SOS2: variants seen among roughly 807,000 people sequenced by gnomAD.
SOS2 encodes the protein SOS Ras/Rho guanine nucleotide exchange factor 2.
A neutral mutation model predicts 148.2 loss-of-function variants in SOS2; 65 were observed. That is an observed-to-expected ratio of 0.44 (90% CI 0.36 to 0.54). SOS2 has a LOEUF of 0.54. Ranked by LOEUF, SOS2 falls within the 20% of genes least tolerant of loss-of-function variation. The pLI, the probability that SOS2 is intolerant of heterozygous loss-of-function variation, is 0.00. For synonymous variants in SOS2, 539 were observed against 537.1 expected (o/e 1.00, Z -0.05); for missense variants, 1,341 against 1,590.2 (o/e 0.84, Z 2.67).
intron 14 of SOS2, among the ~76,000 whole-genome samples, chr14:50,148,310 T>C (rs1884557770): frequency 1.3e-5 from 2 of 150,818 alleles, no homozygotes; most frequent in South Asian, 4.2e-4. Context: ...CTCGGGAGGT[T>C]GAGGCATGAG....
intron 1 of SOS2, among the ~76,000 whole-genome samples, chr14:50,220,105 C>G (rs1887154983): frequency 1.3e-5 from 2 of 151,434 alleles, no homozygotes; most frequent in South Asian, 4.2e-4. Context: ...ATTAAAAGAA[C>G]AGACCCTGCA....
At chr14:50,151,169 A>G (rs888680060) in intron 13 of SOS2, among the ~76,000 whole-genome samples, 2 of 152,176 alleles carry the variant, frequency 1.3e-5, no homozygotes, top group Non-Finnish European at 2.9e-5. Context: ...ATATTTTCTT[A>G]TATTTAGTTT....
chr14:50,206,451 AATC>A (rs1886661557), intron 1 of SOS2, among the ~76,000 whole-genome samples: 1 of 152,194 alleles, frequency 6.6e-6, no homozygotes, highest in Non-Finnish European at 1.5e-5. Context: ...ATATACTTTA[AATC>A]ATCTATAGGT....
At chr14:50,219,592 C>T (rs572751180) in intron 1 of SOS2, among the ~76,000 whole-genome samples, 1 of 152,132 alleles carries the variant, frequency 6.6e-6, no homozygotes, top group Non-Finnish European at 1.5e-5. Context: ...GATATGTCTA[C>T]TAGCTTTACT....
At chr14:50,129,353 T>C (rs1262013312) in intron 21 of SOS2, among the ~76,000 whole-genome samples, 1 of 152,096 alleles carries the variant, frequency 6.6e-6, no homozygotes, top group Non-Finnish European at 1.5e-5. Context: ...TGCCAAGCAA[T>C]ATTTTAGATG....
intron 21 of SOS2, among the ~76,000 whole-genome samples, chr14:50,121,498 C>T (rs754564254): frequency 2.9e-5 from 4 of 136,654 alleles, no homozygotes; most frequent in Non-Finnish European, 3.0e-5. Flanking sequence ...ATTGCTATCC[C>T]GATCATGTGG....
At chr14:50,212,974 G>C (rs1309017514) in intron 1 of SOS2, among the ~76,000 whole-genome samples, 1 of 152,168 alleles carries the variant, frequency 6.6e-6, no homozygotes, top group Admixed American at 6.6e-5. Flanking sequence ...GATAGAATAA[G>C]GTCCAAAACT....
In SOS2 at chr14:50,138,790, A is replaced by T. The variant is rs552609367; in HGVS notation, c.2786-6T>A. On this transcript the variant is annotated splice_polypyrimidine_tract_variant and splice_region_variant and intron_variant, in intron 17 of 22. Coordinates refer to ENST00000216373, the MANE Select transcript of SOS2 (RefSeq NM_006939.4). ...AATATTTGTTAAATATATTCCTAGT[A>T]AAAAAAAAAAAAGAATTTAAAGAAA... The T allele has an allele frequency of 5.1e-4, 93 of 181,452 alleles. No individual in the cohort carries two copies. Among genetic ancestry groups the T allele is most frequent in the Middle Eastern group, 2.1e-3 (1 of 476 alleles). 11.2% of individuals were successfully genotyped at this position (181,452 alleles called of 1,614,324 possible).
At position 50,123,685 on chromosome 14, in the gene SOS2, C is replaced by A. The variant is rs376916795; in HGVS notation, c.3380-3301G>T. ...GGGGTGAGCCACCGTACCCGGCCCA[C>A]CAGAGGGCTTTAAGCACAAGTAAAA... is the stretch of plus-strand genomic sequence containing the variant. On this transcript the variant is annotated intron_variant, in intron 21 of 22. Coordinates refer to ENST00000216373, the MANE Select transcript of SOS2 (RefSeq NM_006939.4). Among the ~76,000 whole-genome samples the A allele has an allele frequency of 1.8e-4, 27 of 152,116 alleles. 1 individual carries two copies. The East Asian group carries it at 5.0e-3, about 28-fold the overall frequency.
chr14:50,231,708 T>A (rs912000364), upstream of SOS2: 2 of 164,910 alleles, frequency 1.2e-5, no homozygotes, highest in African/African-American at 4.8e-5. Context: ...GCTGCTCGTC[T>A]CCTCATCGCC....
chr14:50,121,523 C>G (rs1883507746), intron 21 of SOS2, among the ~76,000 whole-genome samples: 3 of 35,586 alleles, frequency 8.4e-5, no homozygotes, highest in Non-Finnish European at 1.7e-4. Flanking sequence ...GCAGTTACTT[C>G]CTGGGGGAGG....
intron 1 of SOS2, among the ~76,000 whole-genome samples, chr14:50,227,696 T>A (rs1887422287): frequency 1.3e-5 from 2 of 152,350 alleles, no homozygotes; most frequent in East Asian, 3.9e-4. Context: ...CAAATGGGAT[T>A]ACAGGCATGA....
chr14:50,218,200 ATG>A, intron 1 of SOS2, among the ~76,000 whole-genome samples: 1 of 141,078 alleles, frequency 7.1e-6, no homozygotes, highest in Admixed American at 7.6e-5. Flanking sequence ...ATGGTATATA[ATG>A]AAACTTCGAT....
intron 17 of SOS2, 107 bp downstream of exon 17, chr14:50,139,835 A>G: frequency 1.8e-6 from 1 of 559,302 alleles, no homozygotes; most frequent in South Asian, 3.0e-5. Context: ...GAGCTAATAA[A>G]AGTAGATGAG....
Position 50,167,963 on chromosome 14 carries a change from AT to A in SOS2, c.1069-6355del, listed in dbSNP as rs58627543. On this transcript the variant is annotated intron_variant, in intron 8 of 22. Coordinates refer to ENST00000216373, the MANE Select transcript of SOS2 (RefSeq NM_006939.4). ...GTTTTTCAAAGTAAAAGGTAAAAAA[AT>A]ATTACCTATAAACTCAATTGTTTCA... 6.4e-3 allele frequency among the ~76,000 whole-genome samples: 969 copies of A among 152,342 alleles called. 10 individuals are homozygous for A. Among genetic ancestry groups the A allele is most frequent in the African/African-American group, 0.022 (917 of 41,564 alleles).
At chr14:50,223,011 T>C (rs1887243964) in intron 1 of SOS2, among the ~76,000 whole-genome samples, 2 of 152,120 alleles carry the variant, frequency 1.3e-5, no homozygotes, top group South Asian at 4.2e-4. Context: ...AGTCAAAAAG[T>C]ATAAAACGGT....
rs1197421823 is a variant in SOS2 at position 50,188,503 on chromosome 14, T to C, written c.708A>G (p.Lys236=). 1.9e-6 allele frequency: 3 copies of C among 1,597,836 alleles called. No homozygotes were observed. Among genetic ancestry groups the C allele is most frequent in the Non-Finnish European group, 2.6e-6 (3 of 1,173,928 alleles). Residue 236 remains lysine, a synonymous_variant, in exon 5 of 23, where the codon AAA becomes AAG. Coordinates refer to ENST00000216373, the MANE Select transcript of SOS2 (RefSeq NM_006939.4). ...AACCCAAAAAGGTACTTACAGAAGG[T>C]TTAAACAGCTTTCTATCAGAAAGAA... ...EAFLSDRKLF[K]PSDIEKIFSN...
At chr14:50,140,211 G>T in intron 16 of SOS2, 152 bp from the exon 17 acceptor site, 1 of 498,276 alleles carries the variant, frequency 2.0e-6, no homozygotes, top group Non-Finnish European at 3.6e-6. Context: ...ACACTTACCT[G>T]AAGTGATTTC....
intron 17 of SOS2, among the ~76,000 whole-genome samples, chr14:50,139,019 A>C (rs747147502): frequency 3.3e-5 from 5 of 152,156 alleles, no homozygotes; most frequent in African/African-American, 4.8e-5. Flanking sequence ...TTGTACAAAA[A>C]TAAAGGCTGC....
Sources: allele counts gnomAD v4.1 joint callset (sites outside exome capture counted in the v4.1 genomes callset), GRCh38; gene constraint gnomAD v4.1.1; transcripts MANE v1.5; gene names NCBI Gene and HGNC (gene_info 2026-07-23, HGNC 2026-07-21).